Variants in EPB41 observed in about 807,000 individuals in gnomAD.
The protein encoded by EPB41 is protein 4.1.
A neutral mutation model predicts 108.0 loss-of-function variants in EPB41; 65 were observed. The observed-to-expected ratio is 0.60, with a 90% CI of 0.49 to 0.74. The LOEUF (loss-of-function observed/expected upper bound fraction) is 0.74. Ranked by LOEUF, EPB41 falls within the 30% of genes least tolerant of loss-of-function variation. The pLI is 0.00. For synonymous variants in EPB41, 336 were observed against 358.9 expected, an observed-to-expected ratio of 0.94 and a Z score of 0.72; for missense variants, 875 against 1,037.0, an observed-to-expected ratio of 0.84 and a Z score of 2.15.
intron 16 of EPB41, among the ~76,000 whole-genome samples, chr1:29,075,595 T>C (rs1653693170): frequency 6.6e-6 from 1 of 152,330 alleles, no homozygotes; most frequent in Non-Finnish European, 1.5e-5. Flanking sequence ...GGGGAAGGCA[T>C]AGAGTCTCAA....
chr1:29,011,877 T>G lies in EPB41; in HGVS notation c.799T>G (p.Ser267Ala), dbSNP rs778075450. 1.2e-6 allele frequency: 2 copies of G among 1,614,170 alleles called. No homozygotes were observed. Among genetic ancestry groups the G allele is most frequent in the Non-Finnish European group, 1.7e-6 (2 of 1,179,992 alleles). ...DNATSKTWLDSAKEIKKQVRG... is the reference protein window; with the variant it reads ...DNATSKTWLDAAKEIKKQVRG... ...CTCCTTTTTACAGACATGGCTGGAT[T>G]CCGCCAAAGAAATAAAAAAGCAGGT... Residue 267 changes from serine to alanine, a missense_variant, in exon 5 of 21, where the codon TCC becomes GCC. Physicochemically the swap from Ser to Ala is moderately conservative, Grantham distance 99 (BLOSUM62 1). Coordinates refer to ENST00000343067, the MANE Select transcript of EPB41 (RefSeq NM_001376013.1).
At chr1:28,964,322 G>C (rs1357366391) in intron 1 of EPB41, among the ~76,000 whole-genome samples, 2 of 152,098 alleles carry the variant, frequency 1.3e-5, no homozygotes, top group African/African-American at 2.4e-5. Context: ...TGCGCCTGTA[G>C]TCCCAGCTAC....
intron 1 of EPB41, among the ~76,000 whole-genome samples, chr1:28,977,918 A>C (rs2095645840): frequency 6.6e-6 from 1 of 152,038 alleles, no homozygotes; most frequent in East Asian, 1.9e-4. Context: ...AGCTAACTGA[A>C]AGTATCAGTG....
At chr1:29,071,408 C>G (rs1651354226) in intron 16 of EPB41, 1 of 152,228 alleles carries the variant, frequency 6.6e-6, no homozygotes, top group Non-Finnish European at 1.5e-5. Context: ...CACAGATTTA[C>G]TCAAGATCTG....
rs115777634 is a variant in EPB41, at chr1:29,035,313, G to T, written c.1366-513G>T. ...ACATATTTCAAAACAACATGTTGTA[G>T]ATGATAAGTATGTACAATTTTTATT... is the stretch of plus-strand genomic sequence containing the variant. On this transcript the variant is annotated intron_variant, in intron 9 of 20. Coordinates refer to ENST00000343067, the MANE Select transcript of EPB41 (RefSeq NM_001376013.1). Among the ~76,000 whole-genome samples the T allele has an allele frequency of 7.7e-3, 1,174 of 152,220 alleles. 9 individuals are homozygous for T. The highest frequency in any genetic ancestry group is 0.027 in the African/African-American group (1,108 of 41,518).
chr1:29,101,278 T>C (rs1238439056), intron 17 of EPB41, among the ~76,000 whole-genome samples: 1 of 152,096 alleles, frequency 6.6e-6, no homozygotes, highest in Non-Finnish European at 1.5e-5. Flanking sequence ...CCTAGCTCAA[T>C]CAGGTAGGTA....
intron 18 of EPB41, among the ~76,000 whole-genome samples, chr1:29,112,137 G>A (rs544870659): frequency 2.6e-5 from 4 of 152,034 alleles, no homozygotes; most frequent in South Asian, 2.1e-4. Context: ...TGGAGCTTTC[G>A]GAATAATCTT....
intron 6 of EPB41, among the ~76,000 whole-genome samples, chr1:29,017,597 G>A (rs2150050724): frequency 6.6e-6 from 1 of 152,284 alleles, no homozygotes; most frequent in South Asian, 2.1e-4. Flanking sequence ...AGCTGCATGC[G>A]ACTTAACTCA....
rs2095567971 is a variant in EPB41 at position 28,974,886 on chromosome 1, C to T, written c.-7-12545C>T. 2.6e-5 allele frequency among the ~76,000 whole-genome samples: 4 copies of T among 152,104 alleles called. No homozygotes were observed. The South Asian group carries it at 8.3e-4, about 32-fold the overall frequency. On this transcript the variant is annotated intron_variant, in intron 1 of 20. Transcript: ENST00000343067. ...CTTGGCTCACTGCAACCTCCGCCTCCCGGGTTCAAGAGATTCTCCTGCCTC... is the reference window on the plus strand; with the variant it reads ...CTTGGCTCACTGCAACCTCCGCCTCTCGGGTTCAAGAGATTCTCCTGCCTC...
At chr1:28,943,105 TCTC>T (rs2094358227) in intron 1 of EPB41, among the ~76,000 whole-genome samples, 1 of 152,156 alleles carries the variant, frequency 6.6e-6, no homozygotes, top group Non-Finnish European at 1.5e-5. Flanking sequence ...AAAAAGTTCT[TCTC>T]CTACTTATAT....
At chr1:28,902,225 C>T (rs1349674482) in intron 1 of EPB41, 1 of 985,256 alleles carries the variant, frequency 1.0e-6, no homozygotes, top group East Asian at 1.1e-4. Context: ...TTAGCTGGGT[C>T]AACCCTGAGG....
At chr1:28,893,573 G>A (rs1218488202) in intron 1 of EPB41, 1 of 152,300 alleles carries the variant, frequency 6.6e-6, no homozygotes, top group Non-Finnish European at 1.5e-5. Flanking sequence ...TGCCTCTAGT[G>A]GGCTGGGCCC....
At chr1:29,097,464 A>G in intron 16 of EPB41, 1 of 357,198 alleles carries the variant, frequency 2.8e-6, no homozygotes, top group Non-Finnish European at 5.3e-6. Context: ...ACACAAGGAC[A>G]AATCAAAGTG....
At chr1:29,046,217 T>C (rs1364372751) in intron 11 of EPB41, among the ~76,000 whole-genome samples, 2 of 151,880 alleles carry the variant, frequency 1.3e-5, no homozygotes, top group Non-Finnish European at 2.9e-5. Context: ...CTCTGCCTCC[T>C]GGGTTCAAGT....
At chr1:29,097,731 T>C in intron 16 of EPB41, 76 bp from the exon 17 acceptor site, 6 of 1,533,604 alleles carry the variant, frequency 3.9e-6, no homozygotes, top group Non-Finnish European at 5.4e-6. Flanking sequence ...AACACTTTGA[T>C]CAGATCAGTG....
At chr1:29,095,721 A>G (rs1470258573) in intron 16 of EPB41, among the ~76,000 whole-genome samples, 2 of 151,874 alleles carry the variant, frequency 1.3e-5, no homozygotes, top group African/African-American at 2.4e-5. Context: ...GCAGTGAGCT[A>G]TGGTCAGGCC....
At chr1:29,109,926 C>T (rs1314579047) in intron 18 of EPB41, among the ~76,000 whole-genome samples, 6 of 152,070 alleles carry the variant, frequency 3.9e-5, no homozygotes, top group African/African-American at 7.2e-5. Flanking sequence ...CCCAGCTATT[C>T]GGGAGGCTGA....
intron 7 of EPB41, among the ~76,000 whole-genome samples, chr1:29,027,871 C>T (rs2096741289): frequency 6.6e-6 from 1 of 152,100 alleles, no homozygotes; most frequent in Non-Finnish European, 1.5e-5. Flanking sequence ...GTTGCCCAGG[C>T]TGGGGTGCAA....
chr1:28,955,467 G>A (rs542836874), intron 1 of EPB41, among the ~76,000 whole-genome samples: 1 of 151,988 alleles, frequency 6.6e-6, no homozygotes, highest in African/African-American at 2.4e-5. Context: ...TCAGCCTCCC[G>A]AGTAGCTGGG....
Sources: allele counts gnomAD v4.1 joint callset (sites outside exome capture counted in the v4.1 genomes callset), GRCh38; gene constraint gnomAD v4.1.1; transcripts MANE v1.5; gene names NCBI Gene and HGNC (gene_info 2026-07-23, HGNC 2026-07-21).